Variants in COL19A1 observed in about 807,000 individuals in gnomAD.
COL19A1 encodes collagen alpha-1(XIX) chain.
In COL19A1, 159 loss-of-function variants were observed where a neutral mutation model predicts 190.2. The ratio of observed to expected loss-of-function variants is 0.84; its 90% CI spans 0.73 to 0.95. The LOEUF is 0.95. Among genes scored for constraint, COL19A1 ranks in the 40% least tolerant of loss-of-function variants. The pLI, the probability that COL19A1 is intolerant of heterozygous loss-of-function variation, is 0.00. For missense variants in COL19A1, 1,418 were observed against 1,431.9 expected, an observed-to-expected ratio of 0.99 and a Z score of 0.16; for synonymous variants, 509 against 458.9, an observed-to-expected ratio of 1.11 and a Z score of -1.39.
At chr6:70,146,915 G>A in intron 27 of COL19A1, 26 bp downstream of exon 27, 2 of 1,538,060 alleles carry the variant, frequency 1.3e-6, no homozygotes, top group South Asian at 1.3e-5. Flanking sequence ...TCGAGTCCTT[G>A]TTGATTCCAA....
At chr6:70,001,743 C>T (rs1777276371) in intron 11 of COL19A1, among the ~76,000 whole-genome samples, 1 of 152,168 alleles carries the variant, frequency 6.6e-6, no homozygotes, top group African/African-American at 2.4e-5. Context: ...GCTGAAGTGG[C>T]TTATTGGCTT....
chr6:70,003,854 T>C (rs1168004607), intron 11 of COL19A1, among the ~76,000 whole-genome samples: 1 of 152,126 alleles, frequency 6.6e-6, no homozygotes, highest in Non-Finnish European at 1.5e-5. Flanking sequence ...TTTAATTAGG[T>C]CATTTAGCCC....
chr6:70,166,759 G>C (rs1204073137), intron 37 of COL19A1, among the ~76,000 whole-genome samples: 2 of 152,178 alleles, frequency 1.3e-5, no homozygotes, highest in Non-Finnish European at 2.9e-5. Flanking sequence ...GAAGAGATTA[G>C]CACTCTATTT....
intron 31 of COL19A1, among the ~76,000 whole-genome samples, chr6:70,155,581 T>C (rs1456034344): frequency 6.6e-6 from 1 of 152,184 alleles, no homozygotes; most frequent in African/African-American, 2.4e-5. Context: ...GTCAAGTTTA[T>C]GTCAGTCAAG....
intron 15 of COL19A1, among the ~76,000 whole-genome samples, chr6:70,100,532 ATTTT>A (rs35019848): frequency 9.3e-6 from 1 of 107,150 alleles, no homozygotes. Flanking sequence ...TGTGTTTTTA[ATTTT>A]TTTTTTTTTT....
chr6:70,179,957 A>T (rs1485188157), intron 42 of COL19A1, among the ~76,000 whole-genome samples: 1 of 152,142 alleles, frequency 6.6e-6, no homozygotes, highest in East Asian at 1.9e-4. Flanking sequence ...ATCTCAGCTC[A>T]CTGCAACCTC....
At chr6:70,196,994 A>AT (rs1562263361) in intron 48 of COL19A1, among the ~76,000 whole-genome samples, 1 of 152,010 alleles carries the variant, frequency 6.6e-6, no homozygotes, top group Admixed American at 6.5e-5. Context: ...GAAAATAATT[A>AT]TCTGTTTTGC....
intron 12 of COL19A1, among the ~76,000 whole-genome samples, chr6:70,033,880 AG>A (rs1188883778): frequency 6.6e-6 from 1 of 152,168 alleles, no homozygotes; most frequent in Admixed American, 6.6e-5. Flanking sequence ...AGCTTAACAA[AG>A]GCCAAATCAA....
intron 11 of COL19A1, among the ~76,000 whole-genome samples, chr6:70,006,370 A>G (rs1582667026): frequency 6.6e-6 from 1 of 152,048 alleles, no homozygotes; most frequent in Non-Finnish European, 1.5e-5. Flanking sequence ...CAGCATGCTC[A>G]CTCACCACTT....
chr6:69,889,382 C>T (rs1044740578), intron 2 of COL19A1, among the ~76,000 whole-genome samples: 19 of 151,936 alleles, frequency 1.3e-4, no homozygotes, highest in Admixed American at 3.9e-4. Context: ...CACTTGCTCC[C>T]GTTCTCTTTT....
At chr6:70,150,558 C>T (rs1172778396) in intron 30 of COL19A1, among the ~76,000 whole-genome samples, 1 of 152,076 alleles carries the variant, frequency 6.6e-6, no homozygotes, top group Non-Finnish European at 1.5e-5. Flanking sequence ...TTAAACCTTG[C>T]TTTGAGCAAC....
chr6:70,202,871 T>C (rs567548958), intron 49 of COL19A1, among the ~76,000 whole-genome samples: 1 of 152,334 alleles, frequency 6.6e-6, no homozygotes, highest in African/African-American at 2.4e-5. Context: ...CTTTTTTAAA[T>C]TGAAAACATT....
At chr6:70,122,495 G>T (rs1784940409) in intron 17 of COL19A1, among the ~76,000 whole-genome samples, 1 of 152,132 alleles carries the variant, frequency 6.6e-6, no homozygotes, top group South Asian at 2.1e-4. Context: ...TTTTGTTCCA[G>T]ATTCTACAAG....
chr6:70,057,899 A>G (rs1780598101), intron 14 of COL19A1, among the ~76,000 whole-genome samples: 1 of 152,092 alleles, frequency 6.6e-6, no homozygotes, highest in Non-Finnish European at 1.5e-5. Context: ...TCATTCATCC[A>G]TTCGACACCT....
chr6:70,035,895 C>T lies in COL19A1; in HGVS notation c.1135-9C>T. On this transcript the variant is annotated splice_polypyrimidine_tract_variant and intron_variant, in intron 13 of 50. Coordinates refer to ENST00000620364, the MANE Select transcript of COL19A1 (RefSeq NM_001858.6). ...GTGGTAATTGTAGCTTTTCTTTAATCTATTTTAGGGAGATACAGGACCCCC... is the reference window on the plus strand; with the variant it reads ...GTGGTAATTGTAGCTTTTCTTTAATTTATTTTAGGGAGATACAGGACCCCC... 1 of 1,610,608 alleles carries T rather than the reference C, an allele frequency of 6.2e-7. No homozygotes were observed. The highest frequency in any genetic ancestry group is 8.5e-7 in the Non-Finnish European group (1 of 1,177,780).
chr6:70,123,648 G>A (rs1785016906), intron 17 of COL19A1, among the ~76,000 whole-genome samples: 1 of 137,696 alleles, frequency 7.3e-6, no homozygotes, highest in Admixed American at 7.3e-5. Context: ...ATGACTTCAT[G>A]TCCTTGTTAG....
At chr6:69,925,913 T>C (rs999512882) in intron 4 of COL19A1, among the ~76,000 whole-genome samples, 1 of 152,202 alleles carries the variant, frequency 6.6e-6, no homozygotes, top group African/African-American at 2.4e-5. Context: ...ATAAGAATGC[T>C]TGTGATTTTT....
At chr6:70,144,527 TAAG>T (rs1366149272) in intron 24 of COL19A1, among the ~76,000 whole-genome samples, 4 of 152,204 alleles carry the variant, frequency 2.6e-5, no homozygotes, top group Admixed American at 1.3e-4. Context: ...GGTATAAACC[TAAG>T]AAGTCTCTTA....
At chr6:69,935,766 T>C (rs761036386) in intron 7 of COL19A1, among the ~76,000 whole-genome samples, 1 of 152,064 alleles carries the variant, frequency 6.6e-6, no homozygotes, top group Non-Finnish European at 1.5e-5. Flanking sequence ...ATTTGCAGGA[T>C]GTGCAGGTTT....
Sources: gnomAD v4.1 joint callset for allele counts (sites outside exome capture counted in the v4.1 genomes callset) on GRCh38, gnomAD v4.1.1 for gene constraint, MANE v1.5 for transcripts, NCBI Gene and HGNC (gene_info 2026-07-23, HGNC 2026-07-21) for gene names.